AGAP1: variants seen among roughly 807,000 people sequenced by gnomAD.
The protein encoded by AGAP1 is arf-GAP with GTPase, ANK repeat and PH domain-containing protein 1.
AGAP1 carries 29 observed loss-of-function variants against 105.3 expected under a neutral mutation model. That is an observed-to-expected ratio of 0.28 (90% CI 0.21 to 0.38). AGAP1 has a LOEUF of 0.38. Among genes scored for constraint, AGAP1 ranks in the 10% least tolerant of loss-of-function variants. The pLI, the probability that AGAP1 is intolerant of heterozygous loss-of-function variation, is 1.00. For missense variants in AGAP1, 998 were observed against 1,165.1 expected (o/e 0.86, Z 2.09); for synonymous variants, 509 against 485.9 (o/e 1.05, Z -0.63).
intron 1 of AGAP1, among the ~76,000 whole-genome samples, chr2:235,654,868 C>T (rs2149329847): frequency 6.6e-6 from 1 of 152,274 alleles, no homozygotes; most frequent in Admixed American, 6.5e-5. Flanking sequence ...TTTCTCCCAG[C>T]TATATCTGGA....
chr2:235,946,420 T>C (rs1164937530), intron 12 of AGAP1, among the ~76,000 whole-genome samples: 1 of 151,784 alleles, frequency 6.6e-6, no homozygotes, highest in Non-Finnish European at 1.5e-5. Context: ...TCCACCTGCC[T>C]CGGCCTCCCA....
At chr2:236,016,708 G>C (rs946246340) in intron 13 of AGAP1, among the ~76,000 whole-genome samples, 1 of 152,158 alleles carries the variant, frequency 6.6e-6, no homozygotes, top group African/African-American at 2.4e-5. Flanking sequence ...GGTGGAGAGC[G>C]TGAATTCCTC....
intron 16 of AGAP1, among the ~76,000 whole-genome samples, chr2:236,097,599 G>T (rs551918312): frequency 6.6e-6 from 1 of 151,904 alleles, no homozygotes; most frequent in African/African-American, 2.4e-5. Flanking sequence ...CACCATGTTG[G>T]CCAGGCTGGT....
rs1249849430 is a variant in AGAP1, at chr2:235,690,957, C to A, written c.164-18222C>A. On this transcript the variant is annotated intron_variant, in intron 1 of 17. Transcript: ENST00000304032. This position sits in a 1 kb window ranked among gnomAD's most constrained non-coding sequence, Gnocchi z 4.1. ...ATTCGTGGCTGCTATTTTAGATATG[C>A]CAGGAGCCTTCTTGGAAGTCGCTCA... is the stretch of plus-strand genomic sequence containing the variant. Among the ~76,000 whole-genome samples the A allele has an allele frequency of 6.6e-6, 1 of 152,118 alleles. No homozygotes were observed. Among genetic ancestry groups the A allele is most frequent in the Non-Finnish European group, 1.5e-5 (1 of 68,034 alleles).
chr2:235,938,013 A>G (rs2053073956), intron 12 of AGAP1, among the ~76,000 whole-genome samples: 1 of 152,274 alleles, frequency 6.6e-6, no homozygotes, highest in African/African-American at 2.4e-5. Flanking sequence ...CTGGTTTGCA[A>G]GAGGGTCACT....
rs571632121 is a variant in AGAP1, at chr2:235,958,231, G to A, written c.1484-10231G>A. On this transcript the variant is annotated intron_variant, in intron 12 of 17. Coordinates refer to ENST00000304032, the MANE Select transcript of AGAP1 (RefSeq NM_001037131.3). This position sits in a 1 kb window ranked among gnomAD's most constrained non-coding sequence, Gnocchi z 4.1. ...CGTGGCGTGCCCCTCATCAAACTAC[G>A]TCCCCTGAGGGAGAGTGGTTGGAGG... Among the ~76,000 whole-genome samples the A allele has an allele frequency of 3.9e-5, 6 of 151,980 alleles. No homozygotes were observed. The highest frequency in any genetic ancestry group is 1.9e-4 in the East Asian group (1 of 5,154).
chr2:236,013,712 CCTT>C (rs2056598508), intron 13 of AGAP1, among the ~76,000 whole-genome samples: 1 of 152,206 alleles, frequency 6.6e-6, no homozygotes, highest in Admixed American at 6.5e-5. Context: ...CTGTGAGACC[CCTT>C]CTTCAGAAGG....
At chr2:235,776,434 C>T (rs1955869847) in intron 6 of AGAP1, among the ~76,000 whole-genome samples, 1 of 152,190 alleles carries the variant, frequency 6.6e-6, no homozygotes, top group Admixed American at 6.5e-5. Context: ...TCTGCTCTTG[C>T]CTGTGACAGA....
intron 1 of AGAP1, among the ~76,000 whole-genome samples, chr2:235,613,353 C>T (rs1946202032): frequency 6.6e-6 from 1 of 152,122 alleles, no homozygotes; most frequent in Non-Finnish European, 1.5e-5. Context: ...GATGTAAGCA[C>T]CTTTTAATTT....
chr2:235,805,177 A>G (rs1957776622), intron 8 of AGAP1, among the ~76,000 whole-genome samples: 1 of 152,156 alleles, frequency 6.6e-6, no homozygotes. Context: ...TCTCCGGCAA[A>G]TTGTTAAAGT....
intron 9 of AGAP1, among the ~76,000 whole-genome samples, chr2:235,876,846 C>CTTT (rs34849687): frequency 1.5e-5 from 2 of 131,502 alleles, no homozygotes; most frequent in African/African-American, 2.8e-5. Flanking sequence ...GGTGTGGAAC[C>CTTT]TTTTTTTTTT....
chr2:236,013,412 A>G (rs2056585996), intron 13 of AGAP1, among the ~76,000 whole-genome samples: 1 of 152,172 alleles, frequency 6.6e-6, no homozygotes, highest in Non-Finnish European at 1.5e-5. Context: ...TTCGAAATGG[A>G]GAATTTTGGC....
intron 16 of AGAP1, among the ~76,000 whole-genome samples, chr2:236,107,286 T>G (rs2059522663): frequency 6.6e-6 from 1 of 152,206 alleles, no homozygotes; most frequent in Non-Finnish European, 1.5e-5. Context: ...TCCTCTGTGC[T>G]GGGTGCTTCC....
intron 16 of AGAP1, among the ~76,000 whole-genome samples, chr2:236,110,623 C>T (rs535918700): frequency 1.9e-4 from 29 of 152,270 alleles, no homozygotes; most frequent in Non-Finnish European, 3.7e-4. Flanking sequence ...TAAGCATTGG[C>T]TGTGAACATT....
rs965893821 is a variant in AGAP1 at position 236,121,027 on chromosome 2, A to C, written c.2370+580A>C. Among the ~76,000 whole-genome samples the C allele has an allele frequency of 6.6e-6, 1 of 152,226 alleles. No individual in the cohort carries two copies. Among genetic ancestry groups the C allele is most frequent in the African/African-American group, 2.4e-5 (1 of 41,468 alleles). On this transcript the variant is annotated intron_variant, in intron 17 of 17. Coordinates refer to ENST00000304032, the MANE Select transcript of AGAP1 (RefSeq NM_001037131.3). The surrounding 1 kb of genome is among the most constrained non-coding windows in gnomAD (Gnocchi z 4.9). ...ACCCAGGAGCTACGTCTGAGAAGCC[A>C]CGCCCACTTAGGGGCTGCCTGTGGA...
intron 13 of AGAP1, among the ~76,000 whole-genome samples, chr2:235,997,020 C>G (rs1053887192): frequency 6.6e-6 from 1 of 152,146 alleles, no homozygotes; most frequent in Non-Finnish European, 1.5e-5. Context: ...CTGGCTTTAC[C>G]CATAATGAAG....
At chr2:235,628,720 A>G (rs932793042) in intron 1 of AGAP1, among the ~76,000 whole-genome samples, 4 of 151,840 alleles carry the variant, frequency 2.6e-5, no homozygotes, top group African/African-American at 9.7e-5. Context: ...TGCACCCATC[A>G]CCCAAGCAGT....
At chr2:235,956,714 A>C (rs2053965645) in intron 12 of AGAP1, among the ~76,000 whole-genome samples, 1 of 152,232 alleles carries the variant, frequency 6.6e-6, no homozygotes. Flanking sequence ...GTAGGGCCCC[A>C]TGAGCAGCTC....
chr2:235,740,417 C>T lies in AGAP1; in HGVS notation c.311-546C>T, dbSNP rs922666719. ...TCCCATCCAGTAGTTTCTGTCTAAC[C>T]CATGTGTAGTAGTGAAGCGTCCCTC... On this transcript the variant is annotated intron_variant, in intron 3 of 17. Coordinates refer to ENST00000304032, the MANE Select transcript of AGAP1 (RefSeq NM_001037131.3). This position sits in a 1 kb window ranked among gnomAD's most constrained non-coding sequence, Gnocchi z 5.7. Among the ~76,000 whole-genome samples the T allele has an allele frequency of 2.6e-5, 4 of 152,164 alleles. No individual in the cohort carries two copies. Among genetic ancestry groups the T allele is most frequent in the East Asian group, 1.9e-4 (1 of 5,196 alleles).
Sources: allele counts gnomAD v4.1 joint callset (sites outside exome capture counted in the v4.1 genomes callset), GRCh38; gene constraint gnomAD v4.1.1; non-coding constraint Gnocchi (gnomAD v3.1); transcripts MANE v1.5; gene names NCBI Gene and HGNC (gene_info 2026-07-23, HGNC 2026-07-21).